The following FAF1 variants were observed in gnomAD, a reference collection of about 807,000 sequenced individuals.
FAF1 encodes Fas associated factor 1, also known as FAS-associated factor 1.
In FAF1, 25 loss-of-function variants were observed where a neutral mutation model predicts 92.5. That is an observed-to-expected ratio of 0.27 (90% CI 0.20 to 0.38). FAF1 has a LOEUF of 0.38. Ranked by LOEUF, FAF1 falls within the 10% of genes least tolerant of loss-of-function variation. FAF1 has a pLI of 1.00. For synonymous variants in FAF1, 234 were observed against 273.2 expected (o/e 0.86, Z 1.42); for missense variants, 636 against 793.3 (o/e 0.80, Z 2.38).
intron 3 of FAF1, among the ~76,000 whole-genome samples, chr1:50,799,947 C>T (rs1661921026): frequency 6.6e-6 from 1 of 152,022 alleles, no homozygotes; most frequent in African/African-American, 2.4e-5. Flanking sequence ...GTTAAATCCA[C>T]AATGATTTCA....
At chr1:50,543,511 T>G (rs529765305) in intron 13 of FAF1, among the ~76,000 whole-genome samples, 3 of 152,300 alleles carry the variant, frequency 2.0e-5, no homozygotes, top group African/African-American at 7.2e-5. Flanking sequence ...ACACTTGTCT[T>G]CTTGTAAGGA....
At chr1:50,488,421 T>TA (rs1230023543) in intron 17 of FAF1, among the ~76,000 whole-genome samples, 1 of 152,202 alleles carries the variant, frequency 6.6e-6, no homozygotes, top group Non-Finnish European at 1.5e-5. Flanking sequence ...GTTAATTGTG[T>TA]ACCCTTGACA....
chr1:50,536,415 T>A (rs573487795), intron 14 of FAF1, among the ~76,000 whole-genome samples: 43 of 152,282 alleles, frequency 2.8e-4, no homozygotes, highest in African/African-American at 1.0e-3. Context: ...TGAGAAGGGA[T>A]CTTCTTCTCC....
Position 50,889,203 on chromosome 1 carries a change from T to C in FAF1, c.46-31206A>G, listed in dbSNP as rs529349984. Among the ~76,000 whole-genome samples the C allele has an allele frequency of 3.0e-3, 460 of 152,376 alleles. 3 individuals are homozygous for C. Among genetic ancestry groups the C allele is most frequent in the African/African-American group, 0.01 (436 of 41,596 alleles). On this transcript the variant is annotated intron_variant, in intron 1 of 18. Coordinates refer to ENST00000396153, the MANE Select transcript of FAF1 (RefSeq NM_007051.3). Reference sequence around the variant, plus strand: ...GTAGTTTGTATTTCTGTGGGATCGGTGGTGATATCCCTTTTATCATTTTTT... The same window carrying C: ...GTAGTTTGTATTTCTGTGGGATCGGCGGTGATATCCCTTTTATCATTTTTT...
At chr1:50,499,702 A>G (rs1037441061) in intron 15 of FAF1, among the ~76,000 whole-genome samples, 5 of 152,208 alleles carry the variant, frequency 3.3e-5, no homozygotes, top group African/African-American at 1.2e-4. Context: ...TATAAAATAA[A>G]TAACAAGCAA....
intron 8 of FAF1, among the ~76,000 whole-genome samples, chr1:50,641,416 A>G (rs1193597755): frequency 1.3e-5 from 2 of 152,180 alleles, no homozygotes; most frequent in Non-Finnish European, 2.9e-5. Context: ...AATGTTACCA[A>G]TCTTTTCTGA....
chr1:50,599,187 A>T (rs1289547022), intron 8 of FAF1, among the ~76,000 whole-genome samples: 1 of 151,932 alleles, frequency 6.6e-6, no homozygotes, highest in African/African-American at 2.4e-5. Flanking sequence ...ATCTCAGCTC[A>T]CTGCAACCTC....
At chr1:50,668,909 T>C (rs111469705) in intron 7 of FAF1, among the ~76,000 whole-genome samples, 2 of 152,140 alleles carry the variant, frequency 1.3e-5, no homozygotes, top group Non-Finnish European at 2.9e-5. Flanking sequence ...AGTCTCCTGT[T>C]AAAAAATTAC....
chr1:50,786,871 T>A (rs2124571235), intron 4 of FAF1, among the ~76,000 whole-genome samples: 1 of 152,320 alleles, frequency 6.6e-6, no homozygotes, highest in African/African-American at 2.4e-5. Context: ...AATGGAAAGC[T>A]TTTGAATGGC....
intron 1 of FAF1, among the ~76,000 whole-genome samples, chr1:50,950,123 A>C: frequency 6.6e-6 from 1 of 152,076 alleles, no homozygotes; most frequent in African/African-American, 2.4e-5. Flanking sequence ...TACAGGTGGG[A>C]GCCACCACAC....
intron 3 of FAF1, among the ~76,000 whole-genome samples, chr1:50,796,909 C>G (rs1407051756): frequency 1.3e-5 from 2 of 152,104 alleles, no homozygotes; most frequent in Admixed American, 6.6e-5. Context: ...GCAGGAGGAT[C>G]ACTTGTGCTC....
intron 2 of FAF1, among the ~76,000 whole-genome samples, chr1:50,832,878 T>A (rs1644166734): frequency 6.6e-6 from 1 of 152,140 alleles, no homozygotes; most frequent in African/African-American, 2.4e-5. Context: ...TAAAAAAAAA[T>A]TAAGCTATTT....
At chr1:50,454,079 TAAC>T (rs1646325083) in intron 18 of FAF1, among the ~76,000 whole-genome samples, 1 of 152,204 alleles carries the variant, frequency 6.6e-6, no homozygotes, top group African/African-American at 2.4e-5. Context: ...CTTATCACAG[TAAC>T]AACATTTTAG....
chr1:50,522,533 C>T (rs1365090675), intron 15 of FAF1, among the ~76,000 whole-genome samples: 1 of 152,144 alleles, frequency 6.6e-6, no homozygotes, highest in Non-Finnish European at 1.5e-5. Context: ...CCTTACTTCC[C>T]TACAAAATAA....
At chr1:50,840,973 C>A (rs1446994289) in intron 2 of FAF1, among the ~76,000 whole-genome samples, 1 of 151,976 alleles carries the variant, frequency 6.6e-6, no homozygotes, top group African/African-American at 2.4e-5. Context: ...CCACATACTA[C>A]TGAGTCTGGA....
intron 18 of FAF1, among the ~76,000 whole-genome samples, chr1:50,446,159 G>A (rs904729168): frequency 3.3e-5 from 5 of 152,240 alleles, no homozygotes; most frequent in African/African-American, 4.8e-5. Flanking sequence ...ATAGAAGGGC[G>A]ATCTAAAGCT....
At chr1:50,840,851 A>G (rs1644249820) in intron 2 of FAF1, among the ~76,000 whole-genome samples, 1 of 152,054 alleles carries the variant, frequency 6.6e-6, no homozygotes, top group Non-Finnish European at 1.5e-5. Flanking sequence ...TACAGAGCCT[A>G]AATTTATATT....
At chr1:50,658,806 C>G (rs1015204817) in intron 7 of FAF1, among the ~76,000 whole-genome samples, 4 of 152,168 alleles carry the variant, frequency 2.6e-5, no homozygotes, top group Admixed American at 2.6e-4. Flanking sequence ...ACAGAGTATT[C>G]TGAGTTTAAA....
At chr1:50,535,236 C>T in intron 15 of FAF1, 133 bp downstream of exon 15, 1 of 601,368 alleles carries the variant, frequency 1.7e-6, no homozygotes, top group Non-Finnish European at 2.9e-6. Flanking sequence ...GCATAAAAAC[C>T]CTTGGTAAAT....
Sources: gnomAD v4.1 joint callset for allele counts (sites outside exome capture counted in the v4.1 genomes callset) on GRCh38, gnomAD v4.1.1 for gene constraint, MANE v1.5 for transcripts, NCBI Gene and HGNC (gene_info 2026-07-23, HGNC 2026-07-21) for gene names.